Variants in CENPP observed in about 807,000 individuals in gnomAD.
The protein encoded by CENPP is centromere protein P.
In CENPP, 24 loss-of-function variants were observed where a neutral mutation model predicts 35.6. The ratio of observed to expected loss-of-function variants is 0.67; its 90% CI spans 0.49 to 0.95. The LOEUF is 0.95. CENPP is among the 40% of genes least tolerant of loss of function. The pLI, the probability that CENPP is intolerant of heterozygous loss-of-function variation, is 0.00. For synonymous variants in CENPP, 120 were observed against 125.5 expected (o/e 0.96, Z 0.29); for missense variants, 332 against 345.3 (o/e 0.96, Z 0.31).
At chr9:92,391,197 C>T (rs1455778935) in intron 5 of CENPP, among the ~76,000 whole-genome samples, 1 of 151,418 alleles carries the variant, frequency 6.6e-6, no homozygotes, top group East Asian at 1.9e-4. Context: ...GAGATCGAGA[C>T]CATCCTGGCT....
chr9:92,412,058 T>C (rs1843458710), intron 5 of CENPP, among the ~76,000 whole-genome samples: 1 of 152,106 alleles, frequency 6.6e-6, no homozygotes, highest in African/African-American at 2.4e-5. Context: ...TTTTAAAGTA[T>C]ATAATTTAAT....
intron 3 of CENPP, among the ~76,000 whole-genome samples, chr9:92,342,081 C>T (rs1432573180): frequency 6.6e-6 from 1 of 152,218 alleles, no homozygotes; most frequent in Non-Finnish European, 1.5e-5. Flanking sequence ...GCCAACATGG[C>T]TTCAAGTCAT....
intron 5 of CENPP, among the ~76,000 whole-genome samples, chr9:92,445,120 T>A (rs10992339): frequency 0.058 from 8,791 of 152,158 alleles, 915 homozygotes; most frequent in East Asian, 0.44. Flanking sequence ...TGGAGTTCTG[T>A]GCCTACCACT....
chr9:92,511,868 A>G, intron 5 of CENPP: 3 of 563,912 alleles, frequency 5.3e-6, no homozygotes. Context: ...TTGAATTCAA[A>G]TTAGGGACAT....
intron 5 of CENPP, chr9:92,502,398 GC>G (rs1449284754): frequency 7.8e-7 from 1 of 1,286,052 alleles, no homozygotes; most frequent in Admixed American, 2.3e-5. Context: ...CTGTCTCCGA[GC>G]CCTTCAGTAT....
chr9:92,550,127 G>A (rs1289336942), intron 5 of CENPP, among the ~76,000 whole-genome samples: 4 of 152,226 alleles, frequency 2.6e-5, no homozygotes, highest in Non-Finnish European at 4.4e-5. Flanking sequence ...GCCGGGCGTG[G>A]TGGCTCACGC....
intron 5 of CENPP, among the ~76,000 whole-genome samples, chr9:92,559,854 A>G (rs1849810381): frequency 6.6e-6 from 1 of 152,166 alleles, no homozygotes. Context: ...TCTACCTTAG[A>G]TGTAACACAA....
intron 5 of CENPP, among the ~76,000 whole-genome samples, chr9:92,400,629 A>C (rs147678135): frequency 2.0e-5 from 3 of 152,248 alleles, no homozygotes; most frequent in Non-Finnish European, 4.4e-5. Flanking sequence ...AGCCAAGTAC[A>C]CAGGAATTAT....
chr9:92,406,206 A>G (rs1189082159), intron 5 of CENPP, among the ~76,000 whole-genome samples: 1 of 152,150 alleles, frequency 6.6e-6, no homozygotes, highest in Non-Finnish European at 1.5e-5. Flanking sequence ...CATTCAGAAA[A>G]TTTATAATTT....
intron 5 of CENPP, among the ~76,000 whole-genome samples, chr9:92,522,065 GTTGTTTTGTTTTGTT>G (rs538087449): frequency 6.6e-6 from 1 of 151,888 alleles, no homozygotes; most frequent in East Asian, 1.9e-4. Context: ...TTTTTTGGGG[GTTGTTTTGTTTTGTT>G]TTGTTTTGTT....
At chr9:92,474,564 C>G in intron 5 of CENPP, 3 of 1,542,564 alleles carry the variant, frequency 1.9e-6, no homozygotes, top group Non-Finnish European at 1.7e-6. Flanking sequence ...CTTTTTCCAT[C>G]CTTTAAATTG....
At chr9:92,558,322 C>T (rs1186071458) in intron 5 of CENPP, among the ~76,000 whole-genome samples, 1 of 152,092 alleles carries the variant, frequency 6.6e-6, no homozygotes, top group African/African-American at 2.4e-5. Context: ...TTCTTTTGTC[C>T]CATGGGGTGT....
At chr9:92,611,505 GGTC>G (rs1851248548) in intron 6 of CENPP, 112 bp downstream of exon 6, 1 of 810,438 alleles carries the variant, frequency 1.2e-6, no homozygotes, top group Non-Finnish European at 1.9e-6. Flanking sequence ...AAGAACTAAA[GGTC>G]GTCGGTTGGA....
intron 5 of CENPP, among the ~76,000 whole-genome samples, chr9:92,608,339 T>G (rs939270803): frequency 6.6e-6 from 1 of 152,350 alleles, no homozygotes; most frequent in South Asian, 2.1e-4. Flanking sequence ...TTCACTTTTT[T>G]TGTGTGTGTA....
At chr9:92,543,262 A>G (rs1849354225) in intron 5 of CENPP, among the ~76,000 whole-genome samples, 1 of 152,264 alleles carries the variant, frequency 6.6e-6, no homozygotes, top group East Asian at 1.9e-4. Flanking sequence ...ACTTGAGGTC[A>G]GGAGTTCAAG....
chr9:92,546,394 C>T (rs1036975074), intron 5 of CENPP, among the ~76,000 whole-genome samples: 3 of 152,180 alleles, frequency 2.0e-5, no homozygotes, highest in Admixed American at 2.0e-4. Context: ...TGCTGCTGCT[C>T]ACTCTTTGGG....
chr9:92,502,241 C>T (rs368651072), intron 5 of CENPP, among the ~76,000 whole-genome samples: 10 of 152,150 alleles, frequency 6.6e-5, no homozygotes, highest in African/African-American at 2.4e-4. Context: ...CAGCACTTGG[C>T]ATATGATAGG....
In CENPP at chr9:92,496,525, A is replaced by G. The variant is rs761980811; in HGVS notation, c.565-114789A>G. 17 of 1,582,470 alleles carry G rather than the reference A, an allele frequency of 1.1e-5. No homozygotes were observed. The East Asian group carries it at 3.8e-4, about 36-fold the overall frequency. On this transcript the variant is annotated intron_variant, in intron 5 of 7. Coordinates refer to ENST00000375587, the MANE Select transcript of CENPP (RefSeq NM_001012267.3). ...ATGCAAGTCACACATGGTCCCAGTA[A>G]TAATCTGCCTTTAGGAGTTAAGTTT...
chr9:92,606,237 G>A (rs929307442), intron 5 of CENPP, among the ~76,000 whole-genome samples: 3 of 152,176 alleles, frequency 2.0e-5, no homozygotes, highest in African/African-American at 7.2e-5. Context: ...ACTCCAGCCT[G>A]TGAGAGAGAG....
Sources: gnomAD v4.1 joint callset for allele counts (sites outside exome capture counted in the v4.1 genomes callset) on GRCh38, gnomAD v4.1.1 for gene constraint, MANE v1.5 for transcripts, NCBI Gene and HGNC (gene_info 2026-07-23, HGNC 2026-07-21) for gene names.